GPC5: variants seen among roughly 807,000 people sequenced by gnomAD.
GPC5 encodes glypican-5.
A neutral mutation model predicts 53.9 loss-of-function variants in GPC5; 47 were observed. The ratio of observed to expected loss-of-function variants is 0.87; its 90% confidence interval spans 0.69 to 1.11. The LOEUF (loss-of-function observed/expected upper bound fraction) is 1.11. Ranked by LOEUF, GPC5 falls within the 50% of genes most tolerant of loss-of-function variation. The probability of loss-of-function intolerance (pLI) is 0.00; values close to 1 mark genes in which losing one functional copy is unlikely to be tolerated. For missense variants in GPC5, 748 were observed against 713.1 expected, an observed-to-expected ratio of 1.05 and a Z score of -0.56; for synonymous variants, 286 against 263.3, an observed-to-expected ratio of 1.09 and a Z score of -0.84.
intron 5 of GPC5, among the ~76,000 whole-genome samples, chr13:91,902,810 C>T (rs1470324463): frequency 2.6e-5 from 4 of 151,968 alleles, no homozygotes; most frequent in Non-Finnish European, 4.4e-5. Flanking sequence ...GGTTTTATAT[C>T]AGACTTAGAT....
At chr13:91,624,539 A>G (rs894998411) in intron 2 of GPC5, among the ~76,000 whole-genome samples, 1 of 152,134 alleles carries the variant, frequency 6.6e-6, no homozygotes, top group Admixed American at 6.6e-5. Flanking sequence ...GATTATATCA[A>G]TGAAAATCAT....
chr13:92,691,839 C>A (rs1163585255), intron 7 of GPC5, among the ~76,000 whole-genome samples: 1 of 151,572 alleles, frequency 6.6e-6, no homozygotes, highest in African/African-American at 2.4e-5. Flanking sequence ...CAGTTTTACA[C>A]CTTCAATTCA....
At chr13:92,198,842 C>T (rs964529575) in intron 7 of GPC5, among the ~76,000 whole-genome samples, 21 of 152,116 alleles carry the variant, frequency 1.4e-4, no homozygotes, top group African/African-American at 5.1e-4. Flanking sequence ...TGGTCATATA[C>T]TAAAATGAGA....
At position 91,569,226 on chromosome 13, in the gene GPC5, T is replaced by G. The variant is rs557784215; in HGVS notation, c.325+120304T>G. 3.9e-5 allele frequency among the ~76,000 whole-genome samples: 6 copies of G among 152,242 alleles called. No individual in the cohort carries two copies. In the East Asian group the frequency reaches 1.2e-3, roughly 29 times the overall value. On this transcript the variant is annotated intron_variant, in intron 2 of 7. Coordinates refer to ENST00000377067, the MANE Select transcript of GPC5 (RefSeq NM_004466.6). Reference sequence around the variant, plus strand: ...ATATGAAAGTGTCACTTGAAATTAGTGAGGAAAGATATTTTGTTCAATAAA... The same window carrying G: ...ATATGAAAGTGTCACTTGAAATTAGGGAGGAAAGATATTTTGTTCAATAAA...
chr13:92,789,578 T>C (rs1005833939), intron 7 of GPC5, among the ~76,000 whole-genome samples: 3 of 152,102 alleles, frequency 2.0e-5, no homozygotes, highest in Non-Finnish European at 4.4e-5. Context: ...TTCATAGTCA[T>C]TATTAAATAT....
intron 5 of GPC5, among the ~76,000 whole-genome samples, chr13:91,895,185 G>A (rs2039428655): frequency 6.6e-6 from 1 of 152,090 alleles, no homozygotes; most frequent in Non-Finnish European, 1.5e-5. Flanking sequence ...CTGGTTCCTA[G>A]AACTGCCAAT....
chr13:91,451,617 TTTG>T (rs907353520), intron 2 of GPC5, among the ~76,000 whole-genome samples: 6 of 81,676 alleles, frequency 7.3e-5, no homozygotes, highest in African/African-American at 3.9e-4. Context: ...CTTCTGTTTG[TTTG>T]TTTTTTTTTT....
chr13:92,085,874 G>A (rs1433958542), intron 6 of GPC5, among the ~76,000 whole-genome samples: 1 of 152,272 alleles, frequency 6.6e-6, no homozygotes, highest in East Asian at 1.9e-4. Flanking sequence ...GGTAACAAGA[G>A]CCATGAGGAG....
chr13:91,478,795 T>TTATATATA (rs757436599), intron 2 of GPC5, among the ~76,000 whole-genome samples: 2,857 of 54,986 alleles, frequency 0.052, 119 homozygotes, highest in Middle Eastern at 0.058. Context: ...CCATTTGAGT[T>TTATATATA]TATATATATA....
chr13:92,077,124 C>A (rs554917423), intron 6 of GPC5, among the ~76,000 whole-genome samples: 1 of 152,124 alleles, frequency 6.6e-6, no homozygotes, highest in Admixed American at 6.5e-5. Flanking sequence ...CTGAACCAAA[C>A]CAATGTATTT....
chr13:92,475,990 C>A (rs1287063151), intron 7 of GPC5, among the ~76,000 whole-genome samples: 1 of 152,046 alleles, frequency 6.6e-6, no homozygotes, highest in East Asian at 1.9e-4. Flanking sequence ...TGGGCAAGGA[C>A]TTCATGTCTA....
At chr13:91,433,406 T>C (rs1879653900) in intron 1 of GPC5, among the ~76,000 whole-genome samples, 1 of 143,356 alleles carries the variant, frequency 7.0e-6, no homozygotes, top group Non-Finnish European at 1.5e-5. Flanking sequence ...TGTGTCCATG[T>C]GTTCTCATTG....
intron 2 of GPC5, among the ~76,000 whole-genome samples, chr13:91,691,331 A>T (rs984206485): frequency 9.2e-5 from 14 of 152,192 alleles, no homozygotes; most frequent in Non-Finnish European, 1.6e-4. Flanking sequence ...CTGAGTTAGG[A>T]TTTCAAATGC....
chr13:92,381,897 A>ATGATATATATGATATATATATCATATAT (rs1218262542), intron 7 of GPC5, among the ~76,000 whole-genome samples: 1 of 101,336 alleles, frequency 9.9e-6, no homozygotes, highest in African/African-American at 3.7e-5. Flanking sequence ...TATTATATAT[A>ATGATATATATGATATATATATCATATAT]ATCATATATA....
intron 7 of GPC5, among the ~76,000 whole-genome samples, chr13:92,759,925 G>A (rs1875090618): frequency 6.6e-6 from 1 of 152,120 alleles, no homozygotes; most frequent in East Asian, 1.9e-4. Flanking sequence ...TATCAAGAAA[G>A]GATGTCAAAC....
intron 6 of GPC5, among the ~76,000 whole-genome samples, chr13:91,941,843 C>T (rs1248512224): frequency 3.3e-5 from 5 of 152,166 alleles, no homozygotes; most frequent in Non-Finnish European, 5.9e-5. Context: ...AAGAACATCT[C>T]TTTGGTAAAG....
intron 7 of GPC5, among the ~76,000 whole-genome samples, chr13:92,181,138 G>A (rs1252933261): frequency 1.3e-5 from 2 of 152,064 alleles, no homozygotes; most frequent in Non-Finnish European, 2.9e-5. Context: ...CAGCCTGGTT[G>A]TGGGCTACTT....
chr13:92,533,311 G>T (rs1027365136), intron 7 of GPC5, among the ~76,000 whole-genome samples: 3 of 152,150 alleles, frequency 2.0e-5, no homozygotes, highest in Admixed American at 6.5e-5. Context: ...TTTTCTTTGA[G>T]CTAGCAAGCA....
intron 7 of GPC5, among the ~76,000 whole-genome samples, chr13:92,731,996 T>G (rs1468634903): frequency 6.6e-6 from 1 of 151,400 alleles, no homozygotes; most frequent in East Asian, 1.9e-4. Context: ...AAAAGTACCA[T>G]AAGAATCTGT....
Sources: gnomAD v4.1 joint callset for allele counts (sites outside exome capture counted in the v4.1 genomes callset) on GRCh38, gnomAD v4.1.1 for gene constraint, MANE v1.5 for transcripts, NCBI Gene and HGNC (gene_info 2026-07-23, HGNC 2026-07-21) for gene names.